The following ADAM18 variants were observed in gnomAD, a reference collection of about 807,000 sequenced individuals.
ADAM18 encodes the protein ADAM metallopeptidase domain 18.
A neutral mutation model predicts 94.4 loss-of-function variants in ADAM18; 117 were observed. That is an observed-to-expected ratio of 1.24 (90% CI 1.07 to 1.45). The LOEUF (loss-of-function observed/expected upper bound fraction) is 1.45. Ranked by LOEUF, ADAM18 falls within the 40% of genes most tolerant of loss-of-function variation. The probability of loss-of-function intolerance (pLI) is 0.00; values close to 1 mark genes in which losing one functional copy is unlikely to be tolerated. For synonymous variants in ADAM18, 327 were observed against 291.6 expected, an observed-to-expected ratio of 1.12 and a Z score of -1.24; for missense variants, 936 against 880.0, an observed-to-expected ratio of 1.06 and a Z score of -0.81.
chr8:39,710,657 T>A (rs1822371388), intron 18 of ADAM18, among the ~76,000 whole-genome samples: 1 of 152,158 alleles, frequency 6.6e-6, no homozygotes, highest in Non-Finnish European at 1.5e-5. Flanking sequence ...TGAAAGCCAT[T>A]AGGTTTGCTG....
chr8:39,589,487 A>G (rs1305201771), intron 2 of ADAM18, among the ~76,000 whole-genome samples: 2 of 152,080 alleles, frequency 1.3e-5, no homozygotes, highest in Admixed American at 6.6e-5. Context: ...AATATATGTA[A>G]GTACATATTG....
intron 2 of ADAM18, among the ~76,000 whole-genome samples, chr8:39,605,301 G>T (rs560441820): frequency 5.9e-5 from 9 of 152,276 alleles, no homozygotes; most frequent in Middle Eastern, 3.4e-3. Context: ...CCCCCCTGAA[G>T]AATTTAATGG....
At chr8:39,654,813 A>G (rs1820641927) in intron 12 of ADAM18, among the ~76,000 whole-genome samples, 1 of 152,064 alleles carries the variant, frequency 6.6e-6, no homozygotes, top group South Asian at 2.1e-4. Context: ...TGTTTTCTTC[A>G]TATATCTGTT....
At chr8:39,659,331 C>A (rs1188890294) in intron 12 of ADAM18, among the ~76,000 whole-genome samples, 1 of 150,728 alleles carries the variant, frequency 6.6e-6, no homozygotes, top group Non-Finnish European at 1.5e-5. Flanking sequence ...AATTTTCAAA[C>A]ATATTTTCTA....
At chr8:39,616,873 G>A (rs1819457855) in intron 6 of ADAM18, among the ~76,000 whole-genome samples, 1 of 152,138 alleles carries the variant, frequency 6.6e-6, no homozygotes, top group Admixed American at 6.6e-5. Context: ...AAATCAAGAT[G>A]TATTAAAGAC....
chr8:39,711,652 C>T (rs1032179766), intron 18 of ADAM18, among the ~76,000 whole-genome samples: 1 of 151,556 alleles, frequency 6.6e-6, no homozygotes, highest in East Asian at 1.9e-4. Context: ...TGAATTTGGG[C>T]AGAGAGAAAA....
intron 2 of ADAM18, among the ~76,000 whole-genome samples, chr8:39,587,102 C>T (rs1014339743): frequency 2.0e-5 from 3 of 152,128 alleles, no homozygotes; most frequent in East Asian, 3.9e-4. Flanking sequence ...ACATATCTAA[C>T]GTAGACATTT....
chr8:39,629,707 T>C (rs1470555610), intron 7 of ADAM18, among the ~76,000 whole-genome samples: 4 of 151,332 alleles, frequency 2.6e-5, no homozygotes. Flanking sequence ...TTTCTTTCAC[T>C]CTTTCTTTCT....
intron 18 of ADAM18, among the ~76,000 whole-genome samples, chr8:39,712,988 C>G (rs754983207): frequency 8.5e-5 from 13 of 152,128 alleles, no homozygotes; most frequent in Non-Finnish European, 1.3e-4. Context: ...CCAAGACAAT[C>G]CTAAGCAAAA....
intron 17 of ADAM18, among the ~76,000 whole-genome samples, chr8:39,693,736 C>T (rs1821845341): frequency 6.6e-6 from 1 of 150,844 alleles, no homozygotes; most frequent in South Asian, 2.1e-4. Flanking sequence ...AAAGGAAATA[C>T]ATAAGGTAAA....
chr8:39,631,523 T>C (rs974196455), intron 7 of ADAM18, among the ~76,000 whole-genome samples: 26 of 152,144 alleles, frequency 1.7e-4, no homozygotes, highest in Non-Finnish European at 2.1e-4. Context: ...TAGGTTGCTG[T>C]TCACTTCCAT....
chr8:39,650,925 A>G (rs1009075005), intron 12 of ADAM18, among the ~76,000 whole-genome samples: 1 of 152,150 alleles, frequency 6.6e-6, no homozygotes, highest in Non-Finnish European at 1.5e-5. Flanking sequence ...GGTGCTCAGC[A>G]TACAGAGGAC....
intron 16 of ADAM18, chr8:39,685,310 TC>T (rs1246191467): frequency 1.3e-5 from 2 of 152,220 alleles, no homozygotes. Context: ...GAAGAACATC[TC>T]CTTGGGTCTC....
intron 18 of ADAM18, among the ~76,000 whole-genome samples, chr8:39,708,976 T>A (rs1482985909): frequency 1.3e-5 from 2 of 152,228 alleles, no homozygotes; most frequent in Non-Finnish European, 2.9e-5. Flanking sequence ...CTCTGCCATC[T>A]GCTAACAACT....
chr8:39,671,994 A>G (rs970764006), intron 14 of ADAM18, among the ~76,000 whole-genome samples: 2 of 152,166 alleles, frequency 1.3e-5, no homozygotes, highest in Admixed American at 1.3e-4. Flanking sequence ...CTCCTAAAGT[A>G]CAGCATTTAA....
intron 18 of ADAM18, among the ~76,000 whole-genome samples, chr8:39,708,357 T>A (rs1822297347): frequency 6.6e-6 from 1 of 152,204 alleles, no homozygotes; most frequent in South Asian, 2.1e-4. Context: ...ACAAAATTTT[T>A]AAAATCTCAT....
intron 16 of ADAM18, among the ~76,000 whole-genome samples, chr8:39,690,118 T>A (rs978002006): frequency 6.6e-6 from 1 of 152,226 alleles, no homozygotes; most frequent in East Asian, 1.9e-4. Flanking sequence ...GCTGAGAGGA[T>A]GGTCCTTTGA....
chr8:39,656,328 G>A (rs1004802204), intron 12 of ADAM18, among the ~76,000 whole-genome samples: 1 of 151,992 alleles, frequency 6.6e-6, no homozygotes, highest in African/African-American at 2.4e-5. Context: ...ATCTAGAATA[G>A]ACCTACATAA....
At chr8:39,708,814 C>A (rs968455441) in intron 18 of ADAM18, among the ~76,000 whole-genome samples, 1 of 152,224 alleles carries the variant, frequency 6.6e-6, no homozygotes, top group Non-Finnish European at 1.5e-5. Flanking sequence ...AGGGAGAACA[C>A]AGGTGCAGGG....
Sources: allele counts gnomAD v4.1 joint callset (sites outside exome capture counted in the v4.1 genomes callset), GRCh38; gene constraint gnomAD v4.1.1; transcripts MANE v1.5; gene names NCBI Gene and HGNC (gene_info 2026-07-23, HGNC 2026-07-21).